The following AKT3 variants were observed in gnomAD, a reference collection of about 807,000 sequenced individuals.
The protein encoded by AKT3 is AKT serine/threonine kinase 3, also known as RAC-gamma serine/threonine-protein kinase.
AKT3 carries 15 observed loss-of-function variants against 65.3 expected under a neutral mutation model. That is an observed-to-expected ratio of 0.23 (90% CI 0.15 to 0.35). AKT3 has a LOEUF of 0.35. Among genes scored for constraint, AKT3 ranks in the 10% least tolerant of loss-of-function variants. The pLI, the probability that AKT3 is intolerant of heterozygous loss-of-function variation, is 1.00. For missense variants in AKT3, 243 were observed against 576.5 expected (o/e 0.42, Z 5.92); for synonymous variants, 206 against 183.8 (o/e 1.12, Z -0.98).
rs373158795 is a variant in AKT3 at position 243,651,999 on chromosome 1, C to T, written c.285-5962G>A. 3.3e-5 allele frequency among the ~76,000 whole-genome samples: 5 copies of T among 151,750 alleles called. No individual in the cohort carries two copies. In the East Asian group the frequency reaches 5.8e-4, roughly 18 times the overall value. On this transcript the variant is annotated intron_variant, in intron 4 of 13. Coordinates refer to ENST00000673466, the MANE Select transcript of AKT3 (RefSeq NM_005465.7). The stretch of plus-strand genomic sequence containing the variant: ...GATCTCTCTGCAGAAACCCTACAAG[C>T]CAGAAGAGAGTGGGGGCCAATACTC...
rs1680700563 is a variant in AKT3 at position 243,645,033 on chromosome 1, AT to A, written c.429+859del. ...ACATAAGGAAAGGATAATTAACTTTATGTTGTGAGTGTGTAACTTCACCAAG... is the reference window on the plus strand; with the variant it reads ...ACATAAGGAAAGGATAATTAACTTTAGTTGTGAGTGTGTAACTTCACCAAG... On this transcript the variant is annotated intron_variant, in intron 5 of 13. Transcript: ENST00000673466. Among the ~76,000 whole-genome samples the A allele has an allele frequency of 2.0e-5, 3 of 152,298 alleles. No homozygotes were observed. The South Asian group carries it at 6.2e-4, about 32-fold the overall frequency.
chr1:243,834,001 G>A (rs1278977369), intron 2 of AKT3, among the ~76,000 whole-genome samples: 1 of 151,526 alleles, frequency 6.6e-6, no homozygotes, highest in Non-Finnish European at 1.5e-5. Flanking sequence ...CTGTGGCTGG[G>A]CTCATCTTCA....
Position 243,501,292 on chromosome 1 carries a change from TGTTA to T in AKT3, c.*3953_*3956del. ...CATCTACATCACCCACGTCTAAGTT[TGTTA>T]ATTTGCCATGACATGTTGTTAGAAA... On this transcript the variant is annotated 3_prime_UTR_variant, in exon 14 of 14. Transcript: ENST00000673466. 4.3e-6 allele frequency: 1 copy of T among 233,164 alleles called. No homozygotes were observed. The highest frequency in any genetic ancestry group is 8.5e-6 in the Non-Finnish European group (1 of 117,962). The allele number at this position is 233,164 out of a possible 1,614,324, so 14.4% of individuals were successfully genotyped here. A position where few individuals can be genotyped will look rare whatever the true frequency, so the allele number is the denominator to read the frequency against.
intron 10 of AKT3, 23 bp from the exon 11 acceptor site, chr1:243,552,966 GATTA>G (rs1387775283): frequency 6.7e-6 from 10 of 1,503,578 alleles, no homozygotes; most frequent in Non-Finnish European, 9.1e-6. Context: ...TCAGTAAAAA[GATTA>G]ATTATTACAT....
At chr1:243,787,135 G>T (rs1295600823) in intron 2 of AKT3, among the ~76,000 whole-genome samples, 1 of 152,190 alleles carries the variant, frequency 6.6e-6, no homozygotes, top group East Asian at 1.9e-4. Flanking sequence ...CCATAAGTAA[G>T]ATCTTTGTAG....
chr1:243,638,940 C>A (rs982756714), intron 5 of AKT3, among the ~76,000 whole-genome samples: 1 of 151,692 alleles, frequency 6.6e-6, no homozygotes, highest in Non-Finnish European at 1.5e-5. Context: ...ATCAGTGAAA[C>A]CAAAAGCTAG....
At chr1:243,806,857 G>C (rs1368892497) in intron 2 of AKT3, among the ~76,000 whole-genome samples, 1 of 152,182 alleles carries the variant, frequency 6.6e-6, no homozygotes, top group Non-Finnish European at 1.5e-5. Flanking sequence ...GAAAAGGCAA[G>C]AGTGGGTTCT....
intron 12 of AKT3, among the ~76,000 whole-genome samples, chr1:243,532,868 T>A (rs1381184744): frequency 1.3e-5 from 2 of 152,220 alleles, no homozygotes; most frequent in Non-Finnish European, 2.9e-5. Context: ...TATTCTTAAG[T>A]CATTTTGGTG....
intron 2 of AKT3, among the ~76,000 whole-genome samples, chr1:243,787,092 T>C (rs994739014): frequency 2.0e-5 from 3 of 152,208 alleles, no homozygotes; most frequent in Non-Finnish European, 4.4e-5. Flanking sequence ...CCCAGAGTGG[T>C]TGGTGTGGAA....
chr1:243,664,185 CTTTTTTTTT>C (rs34578718), intron 4 of AKT3, among the ~76,000 whole-genome samples: 17 of 60,016 alleles, frequency 2.8e-4, no homozygotes, highest in Admixed American at 1.2e-3. Flanking sequence ...ATAAAAATGT[CTTTTTTTTT>C]TTTTTTTTTT....
At chr1:243,608,394 TA>T (rs1215579490) in intron 8 of AKT3, among the ~76,000 whole-genome samples, 2 of 152,200 alleles carry the variant, frequency 1.3e-5, no homozygotes, top group Non-Finnish European at 2.9e-5. Context: ...TATTGTTAAT[TA>T]AAAATCAGTG....
intron 2 of AKT3, among the ~76,000 whole-genome samples, chr1:243,782,264 T>A (rs1018002239): frequency 6.6e-6 from 1 of 152,138 alleles, no homozygotes; most frequent in Admixed American, 6.5e-5. Context: ...CAGGAAAACA[T>A]CTTAAGTCTG....
chr1:243,698,800 C>T (rs1685224720), intron 2 of AKT3, among the ~76,000 whole-genome samples: 1 of 151,854 alleles, frequency 6.6e-6, no homozygotes, highest in African/African-American at 2.4e-5. Context: ...TCTCAAACTT[C>T]CAATAAAGAC....
chr1:243,579,543 G>A (rs1675184062), intron 8 of AKT3, among the ~76,000 whole-genome samples: 1 of 152,132 alleles, frequency 6.6e-6, no homozygotes. Flanking sequence ...AAGGTAAGTT[G>A]TCATATTTAG....
intron 2 of AKT3, among the ~76,000 whole-genome samples, chr1:243,700,745 A>ACCTG (rs920485059): frequency 8.3e-4 from 126 of 152,160 alleles, no homozygotes; most frequent in Non-Finnish European, 5.7e-4. Flanking sequence ...CTCATGATCC[A>ACCTG]CCTGCCTTGG....
At chr1:243,750,835 G>C (rs1343387930) in intron 2 of AKT3, among the ~76,000 whole-genome samples, 2 of 151,934 alleles carry the variant, frequency 1.3e-5, no homozygotes, top group Non-Finnish European at 2.9e-5. Flanking sequence ...GCCCGCCTCG[G>C]CCTCCCAAAG....
chr1:243,650,221 T>C (rs958123980), intron 4 of AKT3, among the ~76,000 whole-genome samples: 6 of 152,214 alleles, frequency 3.9e-5, no homozygotes, highest in African/African-American at 9.7e-5. Flanking sequence ...TTGAGAAGTG[T>C]CTGTTCATAT....
chr1:243,753,438 T>C (rs1688933707), intron 2 of AKT3, among the ~76,000 whole-genome samples: 1 of 152,066 alleles, frequency 6.6e-6, no homozygotes, highest in African/African-American at 2.4e-5. Flanking sequence ...CAAAATCTAG[T>C]ATCTTCAAAA....
intron 2 of AKT3, among the ~76,000 whole-genome samples, chr1:243,823,148 T>A (rs1693961652): frequency 6.6e-6 from 1 of 151,912 alleles, no homozygotes; most frequent in Admixed American, 6.6e-5. Context: ...TAAACATAAT[T>A]CATTACATCA....
Sources: gnomAD v4.1 joint callset for allele counts (sites outside exome capture counted in the v4.1 genomes callset) on GRCh38, gnomAD v4.1.1 for gene constraint, MANE v1.5 for transcripts, NCBI Gene and HGNC (gene_info 2026-07-23, HGNC 2026-07-21) for gene names.